ACP7: variants seen among roughly 807,000 people sequenced by gnomAD.
ACP7 encodes the protein acid phosphatase 7, tartrate resistant (putative).
Under a neutral mutation model 60.6 loss-of-function variants are expected in ACP7, and 58 were observed. That is an observed-to-expected ratio of 0.96 (90% CI 0.77 to 1.19). The LOEUF (loss-of-function observed/expected upper bound fraction) is 1.19. Ranked by LOEUF, ACP7 falls within the 50% of genes most tolerant of loss-of-function variation. ACP7 has a pLI of 0.00. For missense variants in ACP7, 574 were observed against 596.2 expected, an observed-to-expected ratio of 0.96 and a Z score of 0.39; for synonymous variants, 237 against 232.6, an observed-to-expected ratio of 1.02 and a Z score of -0.17.
chr19:39,084,015 T>C (rs1399680029), upstream of ACP7: 12 of 152,254 alleles, frequency 7.9e-5, no homozygotes, highest in Admixed American at 7.8e-4. Flanking sequence ...AGGGCCAGGA[T>C]AGGGGCCGGT....
At chr19:39,105,118 C>T (rs908286157) in intron 11 of ACP7, among the ~76,000 whole-genome samples, 16 of 151,696 alleles carry the variant, frequency 1.1e-4, no homozygotes, top group East Asian at 5.9e-4. Context: ...CAGGCTCAAG[C>T]GATTCTCCCA....
At chr19:39,098,803 G>C in intron 3 of ACP7, 145 bp downstream of exon 3, 1 of 1,358,022 alleles carries the variant, frequency 7.4e-7, no homozygotes, top group Non-Finnish European at 9.9e-7. Context: ...ACCCCAGGAT[G>C]AAAACGGAAG....
At chr19:39,094,301 G>A (rs1223829045) in intron 2 of ACP7, among the ~76,000 whole-genome samples, 1 of 151,930 alleles carries the variant, frequency 6.6e-6, no homozygotes, top group African/African-American at 2.4e-5. Context: ...TCAGGAGTTC[G>A]AGGCTAGCCT....
chr19:39,096,813 T>C (rs1341507716), intron 2 of ACP7, among the ~76,000 whole-genome samples: 1 of 152,148 alleles, frequency 6.6e-6, no homozygotes, highest in Non-Finnish European at 1.5e-5. Context: ...TTCTTTCTTT[T>C]TTTGAGACAG....
intron 11 of ACP7, among the ~76,000 whole-genome samples, chr19:39,102,715 T>TTACTTTCTTTCTTTCTTTC (rs1555769415): frequency 1.8e-3 from 208 of 118,690 alleles, no homozygotes; most frequent in East Asian, 3.8e-3. Context: ...CAATGAAGAC[T>TTACTTTCTTTCTTTCTTTC]TTTCTTTCTT....
intron 2 of ACP7, among the ~76,000 whole-genome samples, chr19:39,086,104 A>G (rs11669997): frequency 0.21 from 31,782 of 152,082 alleles, 3,673 homozygotes; most frequent in East Asian, 0.36. Flanking sequence ...CGGAAGGATC[A>G]CTTGAGCTCA....
At chr19:39,098,767 G>A in intron 3 of ACP7, 109 bp downstream of exon 3, 1 of 1,369,244 alleles carries the variant, frequency 7.3e-7, no homozygotes, top group Non-Finnish European at 9.8e-7. Context: ...TAACTCCACT[G>A]CCTATCTGCA....
At chr19:39,098,253 C>CAAAAAAAAAAAA (rs59373149) in intron 2 of ACP7, among the ~76,000 whole-genome samples, 11 of 64,964 alleles carry the variant, frequency 1.7e-4, no homozygotes, top group African/African-American at 1.9e-4. Context: ...GACCCTGACT[C>CAAAAAAAAAAAA]AAAAAAAAAA....
intron 11 of ACP7, among the ~76,000 whole-genome samples, chr19:39,104,265 G>A (rs2073388598): frequency 6.6e-6 from 1 of 151,602 alleles, no homozygotes; most frequent in South Asian, 2.1e-4. Flanking sequence ...CATATACAAA[G>A]GAGTAATTGT....
rs1263342631 is a variant in ACP7, at chr19:39,110,392, C to G, written c.*274C>G. On this transcript the variant is annotated 3_prime_UTR_variant, in exon 13 of 13. Transcript: ENST00000331256. ...GGCAGGGCCCCACCCTCCTGCATAGCTCTGATCGGGCGAGGTGCCCACGGG... is the reference window on the plus strand; with the variant it reads ...GGCAGGGCCCCACCCTCCTGCATAGGTCTGATCGGGCGAGGTGCCCACGGG... The G allele has an allele frequency of 2.3e-6, 1 of 435,420 alleles. No individual in the cohort carries two copies. The highest frequency in any genetic ancestry group is 4.1e-6 in the Non-Finnish European group (1 of 242,658). 27.0% of individuals were successfully genotyped at this position (435,420 alleles called of 1,614,324 possible). A position where few individuals can be genotyped will look rare whatever the true frequency, so the allele number is the denominator to read the frequency against.
intron 2 of ACP7, among the ~76,000 whole-genome samples, chr19:39,093,154 TTCTC>T (rs777596581): frequency 1.8e-5 from 1 of 56,814 alleles, no homozygotes; most frequent in Non-Finnish European, 3.9e-5. Flanking sequence ...CTTTCTTTCT[TTCTC>T]TTTCTTTCTT....
rs2073168731 is a variant in ACP7 at position 39,088,497 on chromosome 19, A to G, written c.121+3107A>G. Among the ~76,000 whole-genome samples, 3 of 152,228 alleles carry G rather than the reference A, an allele frequency of 2.0e-5. No individual in the cohort carries two copies. The South Asian group carries it at 6.2e-4, about 31-fold the overall frequency. ...GTAGTGCTGCTGTGACAATCCAGTGAGATCATGGCTGTCCTTTTTCAGCCT... is the reference window on the plus strand; with the variant it reads ...GTAGTGCTGCTGTGACAATCCAGTGGGATCATGGCTGTCCTTTTTCAGCCT... On this transcript the variant is annotated intron_variant, in intron 2 of 12. Transcript: ENST00000331256.
rs564768766 is a variant in ACP7, at chr19:39,086,626, T to C, written c.121+1236T>C. On this transcript the variant is annotated intron_variant, in intron 2 of 12. Transcript: ENST00000331256. Reference sequence around the variant, plus strand: ...ACCTGGCTGACAGAATGAGGCCCTGTCTCAAAAAAAAAAAAGGGGGGGGGG... The same window carrying C: ...ACCTGGCTGACAGAATGAGGCCCTGCCTCAAAAAAAAAAAAGGGGGGGGGG... Among the ~76,000 whole-genome samples the C allele has an allele frequency of 2.2e-4, 21 of 94,814 alleles. No homozygotes were observed. In the Admixed American group the frequency reaches 3.5e-3, roughly 16 times the overall value. The allele number at this position is 94,814 out of a possible 152,430, so 62.2% of individuals were successfully genotyped here.
intron 12 of ACP7, among the ~76,000 whole-genome samples, chr19:39,109,600 G>C (rs2073447013): frequency 6.6e-6 from 1 of 150,702 alleles, no homozygotes; most frequent in Admixed American, 6.6e-5. Flanking sequence ...AGCTACTTGG[G>C]AGGCTGGGGC....
At chr19:39,098,275 A>AAAAAAG (rs2073292655) in intron 2 of ACP7, among the ~76,000 whole-genome samples, 183 bp from the exon 3 acceptor site, 3 of 126,702 alleles carry the variant, frequency 2.4e-5, no homozygotes, top group African/African-American at 5.8e-5. Context: ...AAAAAAAAAA[A>AAAAAAG]AAAAGAAAAG....
chr19:39,107,856 A>G (rs1027626147), intron 12 of ACP7, among the ~76,000 whole-genome samples: 2 of 152,078 alleles, frequency 1.3e-5, no homozygotes, highest in African/African-American at 4.8e-5. Context: ...ACTGCCCTCC[A>G]GCCTGGGAGA....
intron 6 of ACP7, 21 bp downstream of exon 6, chr19:39,100,663 G>T: frequency 1.2e-6 from 2 of 1,613,704 alleles, no homozygotes; most frequent in Non-Finnish European, 1.7e-6. Flanking sequence ...GGTGCTGGGG[G>T]ACTGGCCCTC....
chr19:39,086,186 G>T (rs1028645682), intron 2 of ACP7, among the ~76,000 whole-genome samples: 2 of 152,136 alleles, frequency 1.3e-5, no homozygotes, highest in African/African-American at 4.8e-5. Flanking sequence ...ATCTTAGACA[G>T]GTGTGGTGGC....
chr19:39,110,676 G>C lies in ACP7; in HGVS notation c.*558G>C, dbSNP rs1409474001. 2 of 152,502 alleles carry C rather than the reference G, an allele frequency of 1.3e-5. No individual in the cohort carries two copies. The highest frequency in any genetic ancestry group is 6.5e-5 in the Admixed American group (1 of 15,314). 9.4% of individuals were successfully genotyped at this position (152,502 alleles called of 1,614,324 possible). On this transcript the variant is annotated 3_prime_UTR_variant, in exon 13 of 13. Transcript: ENST00000331256. ...AGTCCCTTCATGCCTCAGTTTCCCA[G>C]CCTGGCACCATCTTATTCGGGAAGA...
Sources: gnomAD v4.1 joint callset for allele counts (sites outside exome capture counted in the v4.1 genomes callset) on GRCh38, gnomAD v4.1.1 for gene constraint, MANE v1.5 for transcripts, NCBI Gene and HGNC (gene_info 2026-07-23, HGNC 2026-07-21) for gene names.